Variants in PCDH9 observed in about 807,000 individuals in gnomAD.
PCDH9 encodes protocadherin-9.
In PCDH9, 24 loss-of-function variants were observed where a neutral mutation model predicts 70.6. That is an observed-to-expected ratio of 0.34 (90% CI 0.25 to 0.48). The LOEUF is 0.48. PCDH9 is among the 20% of genes least tolerant of loss of function. The pLI, the probability that PCDH9 is intolerant of heterozygous loss-of-function variation, is 0.99. For missense variants in PCDH9, 1,281 were observed against 1,503.6 expected, an observed-to-expected ratio of 0.85 and a Z score of 2.45; for synonymous variants, 562 against 558.5, an observed-to-expected ratio of 1.01 and a Z score of -0.09.
chr13:66,348,888 C>T (rs1457278009), intron 4 of PCDH9, among the ~76,000 whole-genome samples: 1 of 152,116 alleles, frequency 6.6e-6, no homozygotes, highest in East Asian at 1.9e-4. Flanking sequence ...GTATAATACT[C>T]ATACCCCTTA....
intron 4 of PCDH9, among the ~76,000 whole-genome samples, chr13:66,405,535 T>G (rs1758967834): frequency 1.3e-5 from 2 of 152,250 alleles, no homozygotes; most frequent in Admixed American, 6.5e-5. Flanking sequence ...ATAGATTATT[T>G]AAATGTTATA....
Position 66,754,915 on chromosome 13 carries a change from G to T in PCDH9, c.3139-123504C>A, listed in dbSNP as rs528031197. ...TTTATATGCAATGAATATAACTCTA[G>T]AATTTATTTTTGTGTGAAGAAACCT... On this transcript the variant is annotated intron_variant, in intron 3 of 4. Transcript: ENST00000377865. 5.9e-5 allele frequency among the ~76,000 whole-genome samples: 9 copies of T among 152,064 alleles called. No individual in the cohort carries two copies. In the East Asian group the frequency reaches 1.5e-3, roughly 26 times the overall value.
chr13:66,709,341 T>G (rs1170040683), intron 3 of PCDH9, among the ~76,000 whole-genome samples: 1 of 152,188 alleles, frequency 6.6e-6, no homozygotes, highest in African/African-American at 2.4e-5. Context: ...CAACAATAAC[T>G]AAATACAATT....
chr13:66,407,529 G>A (rs557334713), intron 4 of PCDH9, among the ~76,000 whole-genome samples: 1 of 152,270 alleles, frequency 6.6e-6, no homozygotes, highest in African/African-American at 2.4e-5. Flanking sequence ...TGTTGTTGCT[G>A]TAGCTGTAAT....
rs1424102293 is a variant in PCDH9 at position 66,890,691 on chromosome 13, A to C, written c.3138+12813T>G. On this transcript the variant is annotated intron_variant, in intron 3 of 4. Coordinates refer to ENST00000377865, the MANE Select transcript of PCDH9 (RefSeq NM_203487.3). Reference sequence around the variant, plus strand: ...GATAAAAAGGCAATTAGCAAACTCAAATGGCCTAATCACATCGACCAATCT... The same window carrying C: ...GATAAAAAGGCAATTAGCAAACTCACATGGCCTAATCACATCGACCAATCT... 3.9e-5 allele frequency among the ~76,000 whole-genome samples: 6 copies of C among 152,192 alleles called. No individual in the cohort carries two copies. The South Asian group carries it at 1.2e-3, about 32-fold the overall frequency.
intron 4 of PCDH9, among the ~76,000 whole-genome samples, chr13:66,312,357 T>C (rs183722121): frequency 6.6e-6 from 1 of 152,300 alleles, no homozygotes; most frequent in Admixed American, 6.5e-5. Flanking sequence ...AATCTATTGT[T>C]CAGATAGATT....
At chr13:66,508,777 C>A (rs998322024) in intron 4 of PCDH9, among the ~76,000 whole-genome samples, 3 of 152,090 alleles carry the variant, frequency 2.0e-5, no homozygotes, top group Non-Finnish European at 4.4e-5. Flanking sequence ...ATACTGATAT[C>A]CAATCTGTTT....
rs58158202 is a variant in PCDH9, at chr13:66,326,031, A to G, written c.3341-21003T>C. Among the ~76,000 whole-genome samples the G allele has an allele frequency of 9.2e-3, 1,407 of 152,168 alleles. 26 individuals carry two copies. Among genetic ancestry groups the G allele is most frequent in the African/African-American group, 0.032 (1,319 of 41,518 alleles). On this transcript the variant is annotated intron_variant, in intron 4 of 4. Coordinates refer to ENST00000377865, the MANE Select transcript of PCDH9 (RefSeq NM_203487.3). ...CCTCTCATTACTCTATCAAACCTCC[A>G]TCCAGTTTCGGGTTGTTTCATATCC...
At chr13:66,946,808 T>C (rs1247597023) in intron 2 of PCDH9, among the ~76,000 whole-genome samples, 1 of 152,072 alleles carries the variant, frequency 6.6e-6, no homozygotes, top group African/African-American at 2.4e-5. Flanking sequence ...GTATAATATA[T>C]AGTTAATATA....
At chr13:67,185,490 T>C (rs1330826986) in intron 2 of PCDH9, among the ~76,000 whole-genome samples, 2 of 152,216 alleles carry the variant, frequency 1.3e-5, no homozygotes, top group Non-Finnish European at 2.9e-5. Flanking sequence ...AAGAATTTGA[T>C]GACATTTTGA....
At chr13:66,531,855 T>A (rs1197009155) in intron 4 of PCDH9, among the ~76,000 whole-genome samples, 1 of 152,156 alleles carries the variant, frequency 6.6e-6, no homozygotes. Flanking sequence ...CAAATGGAAT[T>A]TAGAGATAGG....
intron 4 of PCDH9, among the ~76,000 whole-genome samples, chr13:66,620,021 TAA>T (rs1430606349): frequency 6.6e-5 from 10 of 152,178 alleles, no homozygotes; most frequent in African/African-American, 2.4e-4. Context: ...AAAATTAAAA[TAA>T]AAAGAGTTAA....
intron 2 of PCDH9, among the ~76,000 whole-genome samples, chr13:66,971,655 C>G (rs2083525153): frequency 6.6e-6 from 1 of 151,908 alleles, no homozygotes; most frequent in Non-Finnish European, 1.5e-5. Context: ...AAATCTAATG[C>G]ACACTGGAAC....
At chr13:66,573,654 A>G (rs1396175163) in intron 4 of PCDH9, among the ~76,000 whole-genome samples, 1 of 152,198 alleles carries the variant, frequency 6.6e-6, no homozygotes, top group Non-Finnish European at 1.5e-5. Context: ...TGATAAACTA[A>G]AAAATAATTT....
intron 3 of PCDH9, among the ~76,000 whole-genome samples, chr13:66,870,334 T>C (rs760497401): frequency 6.6e-6 from 1 of 152,152 alleles, no homozygotes; most frequent in African/African-American, 2.4e-5. Flanking sequence ...AGCCTTGTAG[T>C]ATAGTTTGAA....
intron 3 of PCDH9, among the ~76,000 whole-genome samples, chr13:66,649,800 C>A (rs2077824581): frequency 1.3e-5 from 2 of 151,480 alleles, no homozygotes; most frequent in African/African-American, 2.4e-5. Context: ...ATAGAAAAAA[C>A]AAAAAGGTAA....
chr13:66,580,294 A>G (rs1354442911), intron 4 of PCDH9, among the ~76,000 whole-genome samples: 1 of 151,916 alleles, frequency 6.6e-6, no homozygotes, highest in Non-Finnish European at 1.5e-5. Flanking sequence ...ACAACTATTT[A>G]TTTTGAGATT....
intron 4 of PCDH9, among the ~76,000 whole-genome samples, chr13:66,530,294 T>G (rs925256375): frequency 6.6e-6 from 1 of 152,080 alleles, no homozygotes; most frequent in Non-Finnish European, 1.5e-5. Context: ...TTTTCAGACT[T>G]CATTATTTTT....
intron 3 of PCDH9, among the ~76,000 whole-genome samples, chr13:66,762,960 A>G (rs2079652102): frequency 6.6e-6 from 1 of 151,660 alleles, no homozygotes; most frequent in South Asian, 2.1e-4. Flanking sequence ...TCAAAATAAT[A>G]AGACTATTTT....
Sources: allele counts gnomAD v4.1 joint callset (sites outside exome capture counted in the v4.1 genomes callset), GRCh38; gene constraint gnomAD v4.1.1; transcripts MANE v1.5; gene names NCBI Gene and HGNC (gene_info 2026-07-23, HGNC 2026-07-21).